Variants in ACYP2 observed in about 807,000 individuals in gnomAD.
The protein encoded by ACYP2 is acylphosphatase-2.
A neutral mutation model predicts 11.2 loss-of-function variants in ACYP2; 12 were observed. That is an observed-to-expected ratio of 1.08 (90% CI 0.69 to 1.74). The LOEUF (loss-of-function observed/expected upper bound fraction) is 1.74, where lower values mean the gene tolerates loss of function less well. Ranked by LOEUF, ACYP2 falls within the 40% of genes most tolerant of loss-of-function variation. The pLI is 0.00. For missense variants in ACYP2, 134 were observed against 101.9 expected (o/e 1.31, Z -1.35); for synonymous variants, 43 against 32.2 (o/e 1.33, Z -1.13).
At chr2:54,100,596 A>G (rs1267531565) in intron 4 of ACYP2, among the ~76,000 whole-genome samples, 2 of 151,986 alleles carry the variant, frequency 1.3e-5, no homozygotes, top group African/African-American at 4.8e-5. Context: ...GGGACGAGTC[A>G]CCACACCCAC....
chr2:54,286,490 T>A (rs1378037346), intron 6 of ACYP2, among the ~76,000 whole-genome samples: 1 of 152,072 alleles, frequency 6.6e-6, no homozygotes, highest in East Asian at 1.9e-4. Flanking sequence ...CCACTATTAC[T>A]GTGCTTCAAA....
intron 2 of ACYP2, among the ~76,000 whole-genome samples, chr2:54,007,968 T>G (rs1156724293): frequency 1.8e-4 from 28 of 152,214 alleles, no homozygotes; most frequent in Non-Finnish European, 2.9e-5. Flanking sequence ...AACTAAATTC[T>G]TCCCAAAGTT....
intron 6 of ACYP2, among the ~76,000 whole-genome samples, chr2:54,303,137 CT>C (rs748012046): frequency 6.6e-6 from 1 of 152,134 alleles, no homozygotes; most frequent in Non-Finnish European, 1.5e-5. Context: ...GGGAGGATTG[CT>C]TGAGGCCAGG....
intron 4 of ACYP2, among the ~76,000 whole-genome samples, chr2:54,059,877 AT>A (rs1200171551): frequency 6.6e-6 from 1 of 152,170 alleles, no homozygotes; most frequent in African/African-American, 2.4e-5. Context: ...CTGGGAAAGG[AT>A]TGCTTCATTG....
chr2:54,064,805 C>T (rs185845692), intron 4 of ACYP2, among the ~76,000 whole-genome samples: 6,561 of 152,072 alleles, frequency 0.043, 267 homozygotes, highest in East Asian at 0.22. Context: ...ATAGGGGGAC[C>T]GCCAGCACGG....
At chr2:54,174,924 T>G (rs1422462414) in intron 6 of ACYP2, among the ~76,000 whole-genome samples, 8 of 152,182 alleles carry the variant, frequency 5.3e-5, no homozygotes, top group Non-Finnish European at 8.8e-5. Context: ...TGCTGGATTC[T>G]CTTTGCCAGT....
At chr2:54,174,693 T>A (rs1683363136) in intron 6 of ACYP2, among the ~76,000 whole-genome samples, 1 of 152,176 alleles carries the variant, frequency 6.6e-6, no homozygotes. Flanking sequence ...TTTTGAGATA[T>A]TTTCCATCAA....
intron 4 of ACYP2, among the ~76,000 whole-genome samples, chr2:54,088,407 A>G (rs1678052094): frequency 6.6e-6 from 1 of 152,186 alleles, no homozygotes. Flanking sequence ...GGGGCCCCAC[A>G]GGGAGTCTCA....
chr2:54,150,138 G>A (rs986570525), intron 6 of ACYP2, among the ~76,000 whole-genome samples: 1 of 152,202 alleles, frequency 6.6e-6, no homozygotes, highest in African/African-American at 2.4e-5. Flanking sequence ...TGCAAGTTTA[G>A]TAAATGAAGT....
intron 6 of ACYP2, chr2:54,256,381 A>T: frequency 1.9e-6 from 1 of 536,878 alleles, no homozygotes; most frequent in Non-Finnish European, 3.4e-6. Flanking sequence ...GAGTAATGAT[A>T]TTACATGGTG....
chr2:53,976,368 C>A (rs190860298), intron 2 of ACYP2, among the ~76,000 whole-genome samples: 1 of 152,086 alleles, frequency 6.6e-6, no homozygotes, highest in African/African-American at 2.4e-5. Flanking sequence ...CTACCATGTC[C>A]GGCTAATTTT....
chr2:54,286,589 G>T (rs1293480833), intron 6 of ACYP2, among the ~76,000 whole-genome samples: 1 of 152,008 alleles, frequency 6.6e-6, no homozygotes, highest in South Asian at 2.1e-4. Context: ...TATAAAATTG[G>T]TAGAAAAGAT....
At chr2:54,147,413 C>T (rs1681945232) in intron 6 of ACYP2, among the ~76,000 whole-genome samples, 1 of 152,108 alleles carries the variant, frequency 6.6e-6, no homozygotes, top group East Asian at 1.9e-4. Flanking sequence ...AATCCTGAGT[C>T]TTCTGTGAGG....
chr2:54,211,269 G>A (rs1685321050), intron 6 of ACYP2, among the ~76,000 whole-genome samples: 2 of 152,240 alleles, frequency 1.3e-5, no homozygotes, highest in South Asian at 2.1e-4. Flanking sequence ...AGAGTTTCCT[G>A]ATGGCAAAAA....
At chr2:54,042,779 T>C (rs1167458646) in intron 2 of ACYP2, among the ~76,000 whole-genome samples, 1 of 152,186 alleles carries the variant, frequency 6.6e-6, no homozygotes, top group Non-Finnish European at 1.5e-5. Flanking sequence ...CCATCTGTCC[T>C]TGGCCAGGGA....
intron 4 of ACYP2, among the ~76,000 whole-genome samples, chr2:54,060,679 T>C (rs1270536613): frequency 6.6e-6 from 1 of 152,250 alleles, no homozygotes; most frequent in Admixed American, 6.5e-5. Flanking sequence ...TATCAGATTC[T>C]CTAGCCACCC....
chr2:54,199,174 C>T (rs983104452), intron 6 of ACYP2, among the ~76,000 whole-genome samples: 2 of 152,164 alleles, frequency 1.3e-5, no homozygotes, highest in Non-Finnish European at 2.9e-5. Context: ...GGTCCTTGCT[C>T]GCTGAGTTGT....
chr2:54,267,352 A>T, intron 6 of ACYP2: 2 of 1,548,314 alleles, frequency 1.3e-6, no homozygotes, highest in Non-Finnish European at 1.7e-6. Context: ...GGCAACAGCT[A>T]GAGGAGAATT....
intron 6 of ACYP2, among the ~76,000 whole-genome samples, chr2:54,201,678 CTT>C (rs797005111): frequency 4.4e-3 from 433 of 97,892 alleles, no homozygotes; most frequent in African/African-American, 7.9e-3. Context: ...TTCTTTCTTT[CTT>C]TCTCTCTCTC....
Sources: allele counts gnomAD v4.1 joint callset (sites outside exome capture counted in the v4.1 genomes callset), GRCh38; gene constraint gnomAD v4.1.1; transcripts MANE v1.5; gene names NCBI Gene and HGNC (gene_info 2026-07-23, HGNC 2026-07-21).